The following PARD3 variants were observed in gnomAD, a reference collection of about 807,000 sequenced individuals.
The protein encoded by PARD3 is partitioning defective 3 homolog.
A neutral mutation model predicts 155.4 loss-of-function variants in PARD3; 75 were observed. The observed-to-expected ratio is 0.48, with a 90% CI of 0.40 to 0.58. PARD3 has a LOEUF of 0.58. Among genes scored for constraint, PARD3 ranks in the 20% least tolerant of loss-of-function variants. The probability of loss-of-function intolerance (pLI) is 0.00; values close to 1 mark genes in which losing one functional copy is unlikely to be tolerated. For missense variants in PARD3, 1,642 were observed against 1,721.7 expected (o/e 0.95, Z 0.82); for synonymous variants, 576 against 610.5 (o/e 0.94, Z 0.83).
chr10:34,754,207 T>C (rs1182496350), intron 1 of PARD3, among the ~76,000 whole-genome samples: 2 of 152,168 alleles, frequency 1.3e-5, no homozygotes, highest in African/African-American at 4.8e-5. Context: ...GATCTTGCTA[T>C]GTTATCCAGG....
intron 1 of PARD3, among the ~76,000 whole-genome samples, chr10:34,738,892 T>C (rs1214371909): frequency 6.6e-6 from 1 of 152,216 alleles, no homozygotes; most frequent in Non-Finnish European, 1.5e-5. Context: ...ATTTCTAAAA[T>C]GTTTAGAGCA....
intron 14 of PARD3, among the ~76,000 whole-genome samples, chr10:34,355,649 T>C (rs1160587865): frequency 1.3e-5 from 2 of 151,484 alleles, no homozygotes; most frequent in Non-Finnish European, 2.9e-5. Context: ...ACAGACCTGG[T>C]GGGGCGCAGT....
chr10:34,262,544 A>G (rs1487432911), intron 22 of PARD3, among the ~76,000 whole-genome samples: 2 of 152,164 alleles, frequency 1.3e-5, no homozygotes, highest in Non-Finnish European at 2.9e-5. Context: ...GGGATTATAG[A>G]TGTAAGCCAC....
chr10:34,543,100 C>CTTT (rs35082383), intron 2 of PARD3, among the ~76,000 whole-genome samples: 1 of 148,220 alleles, frequency 6.7e-6, no homozygotes, highest in Non-Finnish European at 1.5e-5. Flanking sequence ...TTTTTAAAGG[C>CTTT]TTTTTTTTTT....
At chr10:34,574,679 C>A (rs1213079628) in intron 2 of PARD3, among the ~76,000 whole-genome samples, 3 of 152,098 alleles carry the variant, frequency 2.0e-5, no homozygotes, top group African/African-American at 4.8e-5. Context: ...AAGTATGACT[C>A]AAGTATTTAC....
At chr10:34,566,883 C>A (rs1564360043) in intron 2 of PARD3, among the ~76,000 whole-genome samples, 1 of 152,138 alleles carries the variant, frequency 6.6e-6, no homozygotes, top group Non-Finnish European at 1.5e-5. Flanking sequence ...TTATTATTAA[C>A]ACTCTTTTTT....
At chr10:34,723,506 C>T (rs1208086008) in intron 1 of PARD3, among the ~76,000 whole-genome samples, 1 of 152,024 alleles carries the variant, frequency 6.6e-6, no homozygotes, top group African/African-American at 2.4e-5. Context: ...TTTCTGACTC[C>T]CCAAATTTTA....
intron 22 of PARD3, among the ~76,000 whole-genome samples, chr10:34,153,303 C>T (rs145871768): frequency 2.0e-4 from 30 of 152,228 alleles, no homozygotes; most frequent in Middle Eastern, 3.4e-3. Context: ...TGAGATACTG[C>T]GCCTGTCCAG....
intron 2 of PARD3, among the ~76,000 whole-genome samples, chr10:34,659,386 T>C (rs2093265093): frequency 6.6e-6 from 1 of 152,236 alleles, no homozygotes; most frequent in Admixed American, 6.5e-5. Context: ...CTCCTATGTA[T>C]CACTCACTCA....
At chr10:34,764,155 T>G (rs998207988) in intron 1 of PARD3, among the ~76,000 whole-genome samples, 1 of 152,212 alleles carries the variant, frequency 6.6e-6, no homozygotes, top group Non-Finnish European at 1.5e-5. Context: ...ATTGCAGCTT[T>G]ATGATTCTCA....
intron 21 of PARD3, among the ~76,000 whole-genome samples, chr10:34,278,707 T>A (rs1383602746): frequency 6.6e-6 from 1 of 152,174 alleles, no homozygotes; most frequent in East Asian, 1.9e-4. Flanking sequence ...TCCTGAGGCC[T>A]CCTTAGCCCT....
chr10:34,775,632 C>T (rs575883276), intron 1 of PARD3, among the ~76,000 whole-genome samples: 3 of 152,206 alleles, frequency 2.0e-5, no homozygotes, highest in South Asian at 2.1e-4. Flanking sequence ...GAGATATATG[C>T]GTGAGAGAAT....
intron 6 of PARD3, among the ~76,000 whole-genome samples, chr10:34,400,720 G>C (rs945406649): frequency 1.3e-5 from 2 of 151,972 alleles, no homozygotes; most frequent in Non-Finnish European, 2.9e-5. Flanking sequence ...GGAATATCAA[G>C]CAAATCAAAA....
At position 34,764,050 on chromosome 10, in the gene PARD3, C is replaced by G. The variant is rs1219975646; in HGVS notation, c.120+50826G>C. ...AAAGAAAACGGAATTTGTACAACAC[C>G]GTGGGACTGCTCATACCTGGCTTCC... On this transcript the variant is annotated intron_variant, in intron 1 of 24. Coordinates refer to ENST00000374788, the MANE Select transcript of PARD3 (RefSeq NM_001184785.2). Among the ~76,000 whole-genome samples the G allele has an allele frequency of 2.6e-5, 4 of 152,130 alleles. No individual in the cohort carries two copies. In the East Asian group the frequency reaches 7.7e-4, roughly 29 times the overall value.
rs773010648 is a variant in PARD3, at chr10:34,654,977, G to A, written c.222+41341C>T. Among the ~76,000 whole-genome samples the A allele has an allele frequency of 6.6e-5, 10 of 152,036 alleles. No homozygotes were observed. In the East Asian group the frequency reaches 1.5e-3, roughly 24 times the overall value. On this transcript the variant is annotated intron_variant, in intron 2 of 24. Transcript: ENST00000374788. ...TACCTTATATTCTTGTTACGAAAAC[G>A]GACGTGCCCAGGACAAATCCTTTTT...
chr10:34,142,600 G>C (rs906248164), intron 22 of PARD3, among the ~76,000 whole-genome samples: 2 of 151,432 alleles, frequency 1.3e-5, no homozygotes, highest in African/African-American at 2.4e-5. Context: ...AGGGAGGGAG[G>C]GAGGAAAGAA....
intron 1 of PARD3, among the ~76,000 whole-genome samples, chr10:34,795,522 G>C (rs1842156926): frequency 6.6e-6 from 1 of 151,980 alleles, no homozygotes; most frequent in South Asian, 2.1e-4. Flanking sequence ...AGAGGTGGGA[G>C]AATCACTTGA....
chr10:34,662,925 C>T (rs2093360341), intron 2 of PARD3, among the ~76,000 whole-genome samples: 1 of 150,494 alleles, frequency 6.6e-6, no homozygotes, highest in African/African-American at 2.5e-5. Flanking sequence ...TGAAACAAGC[C>T]AGGCACAGAA....
chr10:34,629,134 G>A (rs528974602), intron 2 of PARD3, among the ~76,000 whole-genome samples: 1 of 152,168 alleles, frequency 6.6e-6, no homozygotes, highest in African/African-American at 2.4e-5. Context: ...AAAGGTCCCT[G>A]GGCAGAAACA....
Sources: gnomAD v4.1 joint callset for allele counts (sites outside exome capture counted in the v4.1 genomes callset) on GRCh38, gnomAD v4.1.1 for gene constraint, MANE v1.5 for transcripts, NCBI Gene and HGNC (gene_info 2026-07-23, HGNC 2026-07-21) for gene names.